PCDH15: variants seen among roughly 807,000 people sequenced by gnomAD.
The protein encoded by PCDH15 is protocadherin related 15, also known as protocadherin-15.
A neutral mutation model predicts 178.5 loss-of-function variants in PCDH15; 129 were observed. That is an observed-to-expected ratio of 0.72 (90% CI 0.63 to 0.84). The LOEUF (loss-of-function observed/expected upper bound fraction) is 0.84, where lower values mean the gene tolerates loss of function less well. PCDH15 is among the 40% of genes least tolerant of loss of function. The pLI is 0.00. For missense variants in PCDH15, 2,230 were observed against 2,099.9 expected, an observed-to-expected ratio of 1.06 and a Z score of -1.21; for synonymous variants, 800 against 732.0, an observed-to-expected ratio of 1.09 and a Z score of -1.50.
At chr10:54,210,560 G>A (rs914126549) in intron 10 of PCDH15, among the ~76,000 whole-genome samples, 1 of 151,984 alleles carries the variant, frequency 6.6e-6, no homozygotes, top group Admixed American at 6.6e-5. Flanking sequence ...GCCTTTCGAG[G>A]GCAAATGTCT....
intron 2 of PCDH15, among the ~76,000 whole-genome samples, chr10:55,028,711 G>T (rs1301689239): frequency 2.6e-5 from 4 of 151,868 alleles, no homozygotes; most frequent in Non-Finnish European, 5.9e-5. Context: ...TCATGTCTAA[G>T]TTTCTCTGGC....
At chr10:54,922,240 C>A (rs931229194) in intron 2 of PCDH15, among the ~76,000 whole-genome samples, 1 of 152,022 alleles carries the variant, frequency 6.6e-6, no homozygotes, top group Non-Finnish European at 1.5e-5. Flanking sequence ...AAAGTCCAAG[C>A]CCAAAATCTG....
At chr10:54,485,771 G>A (rs868692977) in intron 3 of PCDH15, among the ~76,000 whole-genome samples, 12 of 152,012 alleles carry the variant, frequency 7.9e-5, no homozygotes, top group African/African-American at 2.9e-4. Context: ...ATGCGTGTGT[G>A]CAATTCACAT....
intron 12 of PCDH15, among the ~76,000 whole-genome samples, chr10:54,184,742 A>T (rs1012453263): frequency 6.6e-6 from 1 of 152,200 alleles, no homozygotes. Flanking sequence ...CTGGAGGGAA[A>T]ATTTATTCCC....
chr10:53,822,931 G>A, intron 32 of PCDH15: 2 of 1,614,048 alleles, frequency 1.2e-6, no homozygotes, highest in Non-Finnish European at 1.7e-6. Context: ...CCTTGCCACT[G>A]CTGCAGATCT....
chr10:54,331,794 G>C (rs1939648630), intron 6 of PCDH15, among the ~76,000 whole-genome samples: 2 of 151,936 alleles, frequency 1.3e-5, no homozygotes, highest in Admixed American at 6.6e-5. Flanking sequence ...CACATATCTG[G>C]TGACATTGTG....
At chr10:55,580,367 T>C (rs1215397832) in intron 2 of PCDH15, among the ~76,000 whole-genome samples, 11 of 150,532 alleles carry the variant, frequency 7.3e-5, no homozygotes, top group Admixed American at 2.0e-4. Flanking sequence ...TTTATTTTTT[T>C]TTTTTTTTGA....
chr10:54,058,423 C>T (rs755032690), intron 18 of PCDH15, among the ~76,000 whole-genome samples: 10 of 152,196 alleles, frequency 6.6e-5, no homozygotes, highest in Admixed American at 2.6e-4. Flanking sequence ...GGAAAGACAG[C>T]GTATGCAGGG....
intron 17 of PCDH15, among the ~76,000 whole-genome samples, chr10:54,076,783 T>A: frequency 6.6e-6 from 1 of 152,056 alleles, no homozygotes; most frequent in East Asian, 1.9e-4. Flanking sequence ...ATCTCCATCA[T>A]CCCCATTTTG....
At chr10:54,460,884 T>C (rs991309429) in intron 3 of PCDH15, among the ~76,000 whole-genome samples, 5 of 152,076 alleles carry the variant, frequency 3.3e-5, no homozygotes, top group Admixed American at 2.6e-4. Context: ...TTAGAAACAT[T>C]CATTGAAAAA....
intron 8 of PCDH15, among the ~76,000 whole-genome samples, chr10:54,273,134 T>C (rs772790677): frequency 4.6e-5 from 7 of 152,136 alleles, no homozygotes; most frequent in Non-Finnish European, 1.0e-4. Context: ...GGCAGCCAGA[T>C]AATGCTGTTG....
At chr10:54,804,183 G>A (rs1429653745), upstream of PCDH15, among the ~76,000 whole-genome samples, 4 of 152,122 alleles carry the variant, frequency 2.6e-5, no homozygotes, top group African/African-American at 7.2e-5. Flanking sequence ...GGGACTACAG[G>A]CGCCCACCAC....
chr10:54,849,149 T>G (rs1271643949), intron 3 of PCDH15, among the ~76,000 whole-genome samples: 1 of 152,216 alleles, frequency 6.6e-6, no homozygotes, highest in Non-Finnish European at 1.5e-5. Context: ...TCAGTTAAAT[T>G]TGTAGTAAAG....
intron 1 of PCDH15, among the ~76,000 whole-genome samples, chr10:54,730,993 A>G (rs902086914): frequency 2.0e-5 from 3 of 151,510 alleles, no homozygotes; most frequent in African/African-American, 4.8e-5. Context: ...ATGGAAGAAA[A>G]TATTTGCAAA....
intron 2 of PCDH15, among the ~76,000 whole-genome samples, chr10:55,102,254 A>G (rs1842590663): frequency 6.6e-6 from 1 of 151,802 alleles, no homozygotes; most frequent in Admixed American, 6.6e-5. Context: ...TGAACTTTAT[A>G]TTTTCTCTGT....
intron 2 of PCDH15, among the ~76,000 whole-genome samples, chr10:55,130,623 C>T (rs1207856555): frequency 1.3e-5 from 2 of 151,662 alleles, no homozygotes; most frequent in African/African-American, 4.9e-5. Flanking sequence ...AAGTAACAAA[C>T]CCTTTGTTTG....
chr10:54,017,160 G>T (rs2092766049), intron 20 of PCDH15, among the ~76,000 whole-genome samples: 1 of 151,952 alleles, frequency 6.6e-6, no homozygotes, highest in Non-Finnish European at 1.5e-5. Context: ...AGTAGCTGGG[G>T]TTACAGTTGT....
intron 2 of PCDH15, among the ~76,000 whole-genome samples, chr10:55,024,270 G>T (rs2891554): frequency 0.56 from 82,094 of 145,924 alleles, 23,474 homozygotes; most frequent in East Asian, 0.75. Flanking sequence ...CACACTCATA[G>T]ATATAGGAAG....
intron 2 of PCDH15, among the ~76,000 whole-genome samples, chr10:55,457,328 G>T (rs117423431): frequency 2.4e-3 from 360 of 152,106 alleles, no homozygotes; most frequent in Non-Finnish European, 4.2e-3. Flanking sequence ...TACTCATTTT[G>T]CATTAATATG....
Sources: gnomAD v4.1 joint callset for allele counts (sites outside exome capture counted in the v4.1 genomes callset) on GRCh38, gnomAD v4.1.1 for gene constraint, MANE v1.5 for transcripts, NCBI Gene and HGNC (gene_info 2026-07-23, HGNC 2026-07-21) for gene names.